ZNF704: variants seen among roughly 807,000 people sequenced by gnomAD.
The protein encoded by ZNF704 is zinc finger protein 704, also known as glucocorticoid induced gene 1.
In ZNF704, 10 loss-of-function variants were observed where a neutral mutation model predicts 44.7. The ratio of observed to expected loss-of-function variants is 0.22; its 90% CI spans 0.14 to 0.38. The LOEUF is 0.38. ZNF704 is among the 10% of genes least tolerant of loss of function. The pLI, the probability that ZNF704 is intolerant of heterozygous loss-of-function variation, is 1.00. For missense variants in ZNF704, 390 were observed against 545.5 expected, an observed-to-expected ratio of 0.71 and a Z score of 2.84; for synonymous variants, 211 against 207.6, an observed-to-expected ratio of 1.02 and a Z score of -0.14.
At chr8:80,673,236 G>A (rs778645666) in intron 4 of ZNF704, 13 of 152,270 alleles carry the variant, frequency 8.5e-5, no homozygotes, top group Middle Eastern at 3.4e-3. Context: ...CAGGTTCACC[G>A]ACTTCCTGGA....
intron 1 of ZNF704, among the ~76,000 whole-genome samples, chr8:80,825,345 G>A (rs997114691): frequency 1.3e-5 from 2 of 151,960 alleles, no homozygotes; most frequent in Non-Finnish European, 2.9e-5. Context: ...TTACATAATG[G>A]TAAAGGGATC....
chr8:80,693,216 C>A, intron 2 of ZNF704, 109 bp from the exon 3 acceptor site: 1 of 872,002 alleles, frequency 1.1e-6, no homozygotes. Context: ...TCCCCATGAA[C>A]AACCGATGTT....
At chr8:80,715,675 G>T (rs2131664379) in intron 2 of ZNF704, among the ~76,000 whole-genome samples, 1 of 152,318 alleles carries the variant, frequency 6.6e-6, no homozygotes, top group East Asian at 1.9e-4. Flanking sequence ...ATATAACACA[G>T]ATGCTCAGCT....
At chr8:80,695,752 C>T (rs572864481) in intron 2 of ZNF704, among the ~76,000 whole-genome samples, 1 of 152,306 alleles carries the variant, frequency 6.6e-6, no homozygotes, top group South Asian at 2.1e-4. Context: ...TTGCGAAAAT[C>T]TACCACATTT....
chr8:80,639,589 G>C lies in ZNF704; in HGVS notation c.*1777C>G, dbSNP rs1204709597. The C allele has an allele frequency of 2.0e-5, 3 of 151,934 alleles. No individual in the cohort carries two copies. The highest frequency in any genetic ancestry group is 4.4e-5 in the Non-Finnish European group (3 of 67,992). The allele number at this position is 151,934 out of a possible 1,614,324, so 9.4% of individuals were successfully genotyped here. On this transcript the variant is annotated 3_prime_UTR_variant, in exon 9 of 9. Transcript: ENST00000327835. ...AAAAATAAATGAAGAAAAAAACCAG[G>C]ATCTCTTCCAAGGAGTAATTTTAAA...
At chr8:80,645,623 T>C (rs1817818546) in intron 7 of ZNF704, among the ~76,000 whole-genome samples, 1 of 152,134 alleles carries the variant, frequency 6.6e-6, no homozygotes, top group African/African-American at 2.4e-5. Flanking sequence ...TTTATGCCCA[T>C]TCCTGCTTTC....
chr8:80,642,975 T>C (rs965528192), intron 8 of ZNF704, 60 bp downstream of exon 8: 5 of 1,162,750 alleles, frequency 4.3e-6, no homozygotes, highest in Non-Finnish European at 5.9e-6. Context: ...CTCTCTGCTG[T>C]TCTGTTTTAC....
chr8:80,790,627 G>C (rs147250492), intron 2 of ZNF704, among the ~76,000 whole-genome samples: 1 of 152,266 alleles, frequency 6.6e-6, no homozygotes, highest in Non-Finnish European at 1.5e-5. Context: ...AACCCAGGGA[G>C]GAGTGCAAGA....
chr8:80,856,858 T>C (rs560741615), intron 1 of ZNF704, among the ~76,000 whole-genome samples: 2 of 152,310 alleles, frequency 1.3e-5, no homozygotes, highest in African/African-American at 4.8e-5. Flanking sequence ...TCCATATACA[T>C]TTGAGATTAG....
At chr8:80,707,660 C>G (rs1818918261) in intron 2 of ZNF704, among the ~76,000 whole-genome samples, 1 of 152,108 alleles carries the variant, frequency 6.6e-6, no homozygotes, top group Non-Finnish European at 1.5e-5. Context: ...AATTCAAATA[C>G]TATTTATCTT....
chr8:80,664,759 GC>G, intron 6 of ZNF704, 55 bp downstream of exon 6: 1 of 1,602,540 alleles, frequency 6.2e-7, no homozygotes, highest in South Asian at 1.1e-5. Flanking sequence ...AGGCCAGATG[GC>G]CCCTGGTTTT....
chr8:80,792,812 G>A (rs1488583894), intron 2 of ZNF704, among the ~76,000 whole-genome samples: 1 of 152,148 alleles, frequency 6.6e-6, no homozygotes, highest in African/African-American at 2.4e-5. Flanking sequence ...ACAATCATAT[G>A]TGCTCAGAAG....
intron 7 of ZNF704, among the ~76,000 whole-genome samples, chr8:80,646,591 G>A (rs938817354): frequency 6.6e-6 from 1 of 152,148 alleles, no homozygotes; most frequent in Non-Finnish European, 1.5e-5. Flanking sequence ...GGTGGAGCAA[G>A]GGCCAGCAGA....
chr8:80,648,706 G>A (rs1466848131), intron 7 of ZNF704, among the ~76,000 whole-genome samples: 2 of 152,168 alleles, frequency 1.3e-5, no homozygotes, highest in African/African-American at 4.8e-5. Flanking sequence ...TGCTATATAA[G>A]CTAAGTGTCT....
chr8:80,869,585 A>G (rs545387173), intron 1 of ZNF704, among the ~76,000 whole-genome samples: 1 of 152,274 alleles, frequency 6.6e-6, no homozygotes, highest in South Asian at 2.1e-4. Context: ...TTCCCTCCCT[A>G]AGGCTTTCCA....
At chr8:80,764,878 T>C (rs924085066) in intron 2 of ZNF704, among the ~76,000 whole-genome samples, 21 of 152,226 alleles carry the variant, frequency 1.4e-4, no homozygotes, top group African/African-American at 5.1e-4. Context: ...AGGAATGATA[T>C]TCAGCTTCTC....
intron 6 of ZNF704, among the ~76,000 whole-genome samples, chr8:80,661,572 A>C (rs1818102684): frequency 6.6e-6 from 1 of 152,188 alleles, no homozygotes; most frequent in South Asian, 2.1e-4. Flanking sequence ...ATGAAGTGTC[A>C]AAATGTGGTA....
chr8:80,865,086 T>C (rs1437513469), intron 1 of ZNF704, among the ~76,000 whole-genome samples: 1 of 152,152 alleles, frequency 6.6e-6, no homozygotes, highest in Non-Finnish European at 1.5e-5. Flanking sequence ...GAAGCAACTC[T>C]CTGAAATGCC....
intron 7 of ZNF704, chr8:80,658,724 A>G (rs1818053562): frequency 1.3e-5 from 2 of 152,204 alleles, no homozygotes; most frequent in African/African-American, 4.8e-5. Context: ...GCACAGCACA[A>G]TTCATTCAGC....
Sources: allele counts gnomAD v4.1 joint callset (sites outside exome capture counted in the v4.1 genomes callset), GRCh38; gene constraint gnomAD v4.1.1; transcripts MANE v1.5; gene names NCBI Gene and HGNC (gene_info 2026-07-23, HGNC 2026-07-21).